PHF24: variants seen among roughly 807,000 people sequenced by gnomAD.
PHF24 encodes Galpha inhibitory interacting protein.
In PHF24, 25 loss-of-function variants were observed where a neutral mutation model predicts 42.6. The ratio of observed to expected loss-of-function variants is 0.59; its 90% confidence interval spans 0.43 to 0.82. The LOEUF (loss-of-function observed/expected upper bound fraction) is 0.82, where lower values mean the gene tolerates loss of function less well. Ranked by LOEUF, PHF24 falls within the 40% of genes least tolerant of loss-of-function variation. The pLI is 0.00. For missense variants in PHF24, 470 were observed against 538.1 expected, an observed-to-expected ratio of 0.87 and a Z score of 1.25; for synonymous variants, 185 against 204.8, an observed-to-expected ratio of 0.90 and a Z score of 0.83.
At chr9:34,855,789 C>G in the PHF24 span, among the ~76,000 whole-genome samples, 5 of 152,090 alleles carry the variant, frequency 3.3e-5, no homozygotes, top group Non-Finnish European at 7.4e-5. Context: ...CTGGGGTTCT[C>G]TGGACTTCCT....
chr9:34,710,061 A>G, the PHF24 span: 2 of 1,613,584 alleles, frequency 1.2e-6, no homozygotes, highest in Non-Finnish European at 1.7e-6. Context: ...CCAGTGACTG[A>G]GCCATGTCTG....
At chr9:34,905,456 G>C in the PHF24 span, among the ~76,000 whole-genome samples, 1 of 152,236 alleles carries the variant, frequency 6.6e-6, no homozygotes, top group Non-Finnish European at 1.5e-5. Flanking sequence ...TAACTTAAAA[G>C]TTACATGCTT....
chr9:34,898,021 TGAG>T, the PHF24 span, among the ~76,000 whole-genome samples: 1 of 152,224 alleles, frequency 6.6e-6, no homozygotes, highest in Non-Finnish European at 1.5e-5. Context: ...TTTTTATGGC[TGAG>T]TAGTATTCCA....
the PHF24 span, among the ~76,000 whole-genome samples, chr9:34,873,976 T>G: frequency 6.6e-6 from 1 of 152,196 alleles, no homozygotes; most frequent in African/African-American, 2.4e-5. Context: ...GAATGGAAGT[T>G]CACTCATGAT....
chr9:34,799,688 T>C, the PHF24 span, among the ~76,000 whole-genome samples: 1 of 152,218 alleles, frequency 6.6e-6, no homozygotes, highest in African/African-American at 2.4e-5. Flanking sequence ...TTGTGCAAGA[T>C]TTAATTTTCC....
chr9:34,866,086 C>CT, the PHF24 span, among the ~76,000 whole-genome samples: 48 of 152,306 alleles, frequency 3.2e-4, no homozygotes, highest in African/African-American at 1.1e-3. Context: ...GGAGGTGGGG[C>CT]TGCCACCCTG....
the PHF24 span, chr9:34,837,705 AAG>A: frequency 2.9e-5 from 44 of 1,500,208 alleles, no homozygotes; most frequent in African/African-American, 4.9e-4. Context: ...TGACGCTTAA[AAG>A]ACAAAAACAT....
the PHF24 span, among the ~76,000 whole-genome samples, chr9:34,700,820 A>AG: frequency 1.3e-5 from 2 of 152,168 alleles, no homozygotes; most frequent in African/African-American, 4.8e-5. Context: ...GAATCAGGGA[A>AG]GGAGGTGGCA....
the PHF24 span, among the ~76,000 whole-genome samples, chr9:34,839,207 A>C: frequency 6.6e-6 from 1 of 152,192 alleles, no homozygotes; most frequent in African/African-American, 2.4e-5. Flanking sequence ...GGTTTTCTAG[A>C]GCTGCCTCTG....
At chr9:34,721,987 C>T in the PHF24 span, among the ~76,000 whole-genome samples, 4 of 152,182 alleles carry the variant, frequency 2.6e-5, no homozygotes, top group Non-Finnish European at 5.9e-5. Context: ...TTTCCAGTTT[C>T]TTAACATAGA....
the PHF24 span, chr9:34,832,918 G>T: frequency 6.4e-7 from 1 of 1,551,642 alleles, no homozygotes; most frequent in African/African-American, 1.4e-5. Context: ...TCTCCCCAGG[G>T]ACTCGTGGAG....
At chr9:34,880,931 T>C in the PHF24 span, among the ~76,000 whole-genome samples, 1 of 152,160 alleles carries the variant, frequency 6.6e-6, no homozygotes, top group African/African-American at 2.4e-5. Flanking sequence ...ATTGCACTTA[T>C]TCCAAAGTTG....
chr9:34,894,837 G>A, the PHF24 span, among the ~76,000 whole-genome samples: 4 of 152,056 alleles, frequency 2.6e-5, no homozygotes, highest in Non-Finnish European at 5.9e-5. Context: ...ATTCTCAGGA[G>A]GATAAGATAG....
chr9:34,917,126 G>T, the PHF24 span: 3 of 858,872 alleles, frequency 3.5e-6, no homozygotes, highest in Non-Finnish European at 6.0e-6. Context: ...TCGCTCTCGC[G>T]GCCTACCTTT....
At chr9:34,840,751 T>C in the PHF24 span, among the ~76,000 whole-genome samples, 1,143 of 152,296 alleles carry the variant, frequency 7.5e-3, 21 homozygotes, top group African/African-American at 0.026. Context: ...TTAATGTCTT[T>C]AATATTTTCC....
the PHF24 span, chr9:34,689,867 T>G: frequency 6.2e-7 from 1 of 1,614,106 alleles, no homozygotes; most frequent in South Asian, 1.1e-5. This position sits in a 1 kb window ranked among gnomAD's most constrained non-coding sequence, Gnocchi z 4.1. Flanking sequence ...GGAAGGATCA[T>G]GGGCTGGAAT....
At chr9:34,752,992 T>A in the PHF24 span, among the ~76,000 whole-genome samples, 1 of 152,090 alleles carries the variant, frequency 6.6e-6, no homozygotes, top group Non-Finnish European at 1.5e-5. Flanking sequence ...CCCTTCATGA[T>A]AAAAACCCTC....
chr9:34,798,714 T>C, the PHF24 span, among the ~76,000 whole-genome samples: 3 of 152,222 alleles, frequency 2.0e-5, no homozygotes, highest in East Asian at 1.9e-4. Context: ...AATTCATTTT[T>C]CTATGGGTAT....
chr9:34,858,786 G>A, the PHF24 span, among the ~76,000 whole-genome samples: 4 of 152,210 alleles, frequency 2.6e-5, no homozygotes, highest in Non-Finnish European at 4.4e-5. Flanking sequence ...TCTAATTCCT[G>A]TGCTTTTTAA....
Sources: gnomAD v4.1 joint callset for allele counts (sites outside exome capture counted in the v4.1 genomes callset) on GRCh38, gnomAD v4.1.1 for gene constraint, Gnocchi (gnomAD v3.1) non-coding constraint, MANE v1.5 for transcripts, NCBI Gene and HGNC (gene_info 2026-07-23, HGNC 2026-07-21) for gene names.